HYDIN: variants seen among roughly 807,000 people sequenced by gnomAD.
HYDIN encodes the protein HYDIN axonemal central pair apparatus protein, also known as axonemal central pair apparatus protein HYDIN.
A neutral mutation model predicts 403.9 loss-of-function variants in HYDIN; 132 were observed. The observed-to-expected ratio is 0.33, with a 90% CI of 0.28 to 0.38. The LOEUF (loss-of-function observed/expected upper bound fraction) is 0.38, where lower values mean the gene tolerates loss of function less well. Ranked by LOEUF, HYDIN falls within the 10% of genes least tolerant of loss-of-function variation. The pLI is 1.00. For missense variants in HYDIN, 2,827 were observed against 5,009.5 expected (o/e 0.56, Z 13.15); for synonymous variants, 1,202 against 1,891.7 (o/e 0.64, Z 9.46).
chr16:70,942,004 A>T (rs1026892846), intron 42 of HYDIN, among the ~76,000 whole-genome samples, 185 bp from the exon 43 acceptor site: 16 of 146,728 alleles, frequency 1.1e-4, no homozygotes, highest in Middle Eastern at 3.3e-3. Flanking sequence ...ATGTTTAATC[A>T]GCCAGTCTTT....
At position 71,064,642 on chromosome 16, in the gene HYDIN, C is replaced by T. The variant is rs1400091124; in HGVS notation, c.2211+63G>A. The T allele has an allele frequency of 8.2e-6, 12 of 1,472,052 alleles. No individual in the cohort carries two copies. The East Asian group carries it at 2.5e-4, about 31-fold the overall frequency. The allele number at this position is 1,472,052 out of a possible 1,614,324, so 91.2% of individuals were successfully genotyped here. A position where few individuals can be genotyped will look rare whatever the true frequency, so the allele number is the denominator to read the frequency against. ...AATGTGGCACTTCAGAGGGATTTCT[C>T]TTTCTCATCAAGGGAACTCAATGGA... On this transcript the variant is annotated intron_variant, in intron 16 of 85. Coordinates refer to ENST00000393567, the MANE Select transcript of HYDIN (RefSeq NM_001270974.2).
chr16:71,018,492 C>T (rs1271307874), intron 22 of HYDIN, 50 bp from the exon 23 acceptor site: 2 of 559,704 alleles, frequency 3.6e-6, no homozygotes, highest in African/African-American at 1.9e-5. Context: ...TATGCATTTC[C>T]ACCCTGGTAC....
intron 47 of HYDIN, among the ~76,000 whole-genome samples, chr16:70,916,617 T>A (rs375921137): frequency 2.6e-5 from 4 of 152,298 alleles, no homozygotes; most frequent in African/African-American, 9.6e-5. Context: ...CGAGACTTGC[T>A]GCTCTATCCA....
intron 43 of HYDIN, among the ~76,000 whole-genome samples, chr16:70,940,142 C>T (rs374843791): frequency 2.7e-5 from 4 of 147,628 alleles, no homozygotes; most frequent in African/African-American, 5.1e-5. Context: ...ATGCCACTAA[C>T]GGGTTCATGG....
intron 60 of HYDIN, among the ~76,000 whole-genome samples, chr16:70,880,900 C>A (rs2040755030): frequency 6.6e-6 from 1 of 151,996 alleles, no homozygotes; most frequent in African/African-American, 2.4e-5. Context: ...CATGTGATAT[C>A]TGCAAATCCT....
intron 73 of HYDIN, among the ~76,000 whole-genome samples, chr16:70,851,203 C>CAAAAAAAAAAAA (rs4028101): frequency 9.0e-5 from 2 of 22,162 alleles, no homozygotes; most frequent in Non-Finnish European, 1.6e-4. Context: ...ATCAATCCTG[C>CAAAAAAAAAAAA]AAAAAAAAAA....
chr16:70,917,175 A>C (rs1243749549), intron 47 of HYDIN, among the ~76,000 whole-genome samples: 10 of 151,898 alleles, frequency 6.6e-5, no homozygotes, highest in African/African-American at 1.5e-4. Flanking sequence ...GCCCACCTCA[A>C]CCTCCCAAAG....
At chr16:70,917,168 C>G (rs543475374) in intron 47 of HYDIN, among the ~76,000 whole-genome samples, 1 of 152,340 alleles carries the variant, frequency 6.6e-6, no homozygotes, top group South Asian at 2.1e-4. Flanking sequence ...GCAATCTGCC[C>G]ACCTCAACCT....
At chr16:71,179,823 T>C (rs1219953993) in intron 3 of HYDIN, among the ~76,000 whole-genome samples, 2 of 152,214 alleles carry the variant, frequency 1.3e-5, no homozygotes, top group East Asian at 1.9e-4. Flanking sequence ...CCCAAGCTAG[T>C]AGCCTGTTTA....
At chr16:71,110,373 A>T (rs972992327) in intron 10 of HYDIN, among the ~76,000 whole-genome samples, 1 of 139,622 alleles carries the variant, frequency 7.2e-6, no homozygotes, top group Non-Finnish European at 1.5e-5. Flanking sequence ...TTATATATAA[A>T]ATAAAATACA....
chr16:70,802,284 C>T lies in HYDIN; in HGVS notation c.*5296G>A, dbSNP rs1567624257. 1 of 152,128 alleles carries T rather than the reference C, an allele frequency of 6.6e-6. No individual in the cohort carries two copies. Among genetic ancestry groups the T allele is most frequent in the African/African-American group, 2.4e-5 (1 of 41,422 alleles). 9.4% of individuals were successfully genotyped at this position (152,128 alleles called of 1,614,324 possible). A position where few individuals can be genotyped will look rare whatever the true frequency, so the allele number is the denominator to read the frequency against. On this transcript the variant is annotated 3_prime_UTR_variant, in exon 86 of 86. Transcript: ENST00000393567. ...ATGCCCTCTTTCAGCGTGAACAAGACTTGTAAATATGATGGGCTATGCATC... is the reference window on the plus strand; with the variant it reads ...ATGCCCTCTTTCAGCGTGAACAAGATTTGTAAATATGATGGGCTATGCATC...
At chr16:71,013,005 G>T (rs993501881) in intron 23 of HYDIN, among the ~76,000 whole-genome samples, 9 of 148,218 alleles carry the variant, frequency 6.1e-5, no homozygotes, top group Admixed American at 1.4e-4. Context: ...GATTCACCAA[G>T]AAACACCCTT....
intron 39 of HYDIN, among the ~76,000 whole-genome samples, chr16:70,958,433 C>A (rs1325418241): frequency 6.6e-6 from 1 of 152,208 alleles, no homozygotes; most frequent in African/African-American, 2.4e-5. Flanking sequence ...GCTGGTGGCT[C>A]TTTCCAGGTC....
chr16:70,927,867 A>C (rs188119790), intron 45 of HYDIN, among the ~76,000 whole-genome samples: 1 of 152,198 alleles, frequency 6.6e-6, no homozygotes, highest in Admixed American at 6.5e-5. Flanking sequence ...CCTAGAAAAA[A>C]ACACCCTTGA....
intron 27 of HYDIN, among the ~76,000 whole-genome samples, chr16:70,986,461 T>C (rs555054614): frequency 6.6e-6 from 1 of 152,332 alleles, no homozygotes; most frequent in African/African-American, 2.4e-5. Context: ...GTCAGCATCA[T>C]GGAGATGGTC....
chr16:71,067,953 T>C (rs1047737348), intron 14 of HYDIN, among the ~76,000 whole-genome samples: 31 of 152,154 alleles, frequency 2.0e-4, no homozygotes, highest in African/African-American at 7.0e-4. Context: ...TAATAGAACA[T>C]GGTCAAACCA....
intron 36 of HYDIN, among the ~76,000 whole-genome samples, chr16:70,968,854 G>A (rs2078659729): frequency 6.6e-6 from 1 of 152,056 alleles, no homozygotes; most frequent in South Asian, 2.1e-4. Context: ...ATCTTTCAAA[G>A]ATTCTAAAGC....
At chr16:71,129,997 G>A (rs1394818205) in intron 8 of HYDIN, among the ~76,000 whole-genome samples, 174 bp from the exon 9 acceptor site, 2 of 152,050 alleles carry the variant, frequency 1.3e-5, no homozygotes, top group Admixed American at 6.5e-5. Context: ...AAACCTCTCA[G>A]AGCCTCTGTT....
At position 71,093,867 on chromosome 16, in the gene HYDIN, C is replaced by T. The variant is rs577066918; in HGVS notation, c.1396G>A (p.Glu466Lys). 1.7e-4 allele frequency: 279 copies of T among 1,613,718 alleles called. 4 individuals carry two copies. In the South Asian group the frequency reaches 2.8e-3, roughly 16 times the overall value. ...GMGPKIHFNF[E>K]LLDIGKVFTG... ...AAAACTTTCCCAATATCCAGCAATT[C>T]AAAGTTGAAGTGAATCTTAGGTCCC... Residue 466 changes from glutamate to lysine, a missense_variant, in exon 11 of 86, where the codon GAA becomes AAA. Transcript: ENST00000393567.
Sources: gnomAD v4.1 joint callset for allele counts (sites outside exome capture counted in the v4.1 genomes callset) on GRCh38, gnomAD v4.1.1 for gene constraint, MANE v1.5 for transcripts, NCBI Gene and HGNC (gene_info 2026-07-23, HGNC 2026-07-21) for gene names.